IREB2: variants seen among roughly 807,000 people sequenced by gnomAD.
IREB2 encodes iron-responsive element-binding protein 2.
In IREB2, 39 loss-of-function variants were observed where a neutral mutation model predicts 118.8. That is an observed-to-expected ratio of 0.33 (90% CI 0.25 to 0.43). The LOEUF (loss-of-function observed/expected upper bound fraction) is 0.43, where lower values mean the gene tolerates loss of function less well. IREB2 is among the 20% of genes least tolerant of loss of function. The probability of loss-of-function intolerance (pLI) is 1.00; values close to 1 mark genes in which losing one functional copy is unlikely to be tolerated. For missense variants in IREB2, 900 were observed against 1,147.3 expected, an observed-to-expected ratio of 0.78 and a Z score of 3.11; for synonymous variants, 372 against 392.2, an observed-to-expected ratio of 0.95 and a Z score of 0.61.
At chr15:78,470,086 A>G (rs1008687232) in intron 5 of IREB2, among the ~76,000 whole-genome samples, 1 of 152,210 alleles carries the variant, frequency 6.6e-6, no homozygotes, top group Non-Finnish European at 1.5e-5. Context: ...AGCTCTTTTT[A>G]AACTGTAAAA....
chr15:78,477,934 T>C (rs1427784387), intron 9 of IREB2, among the ~76,000 whole-genome samples: 4 of 151,670 alleles, frequency 2.6e-5, no homozygotes, highest in Non-Finnish European at 4.4e-5. Flanking sequence ...AAATAATAAA[T>C]TTATTGGCGG....
At chr15:78,453,316 A>G (rs1381160339) in intron 2 of IREB2, among the ~76,000 whole-genome samples, 5 of 152,208 alleles carry the variant, frequency 3.3e-5, no homozygotes, top group African/African-American at 1.2e-4. Context: ...GAATATTGCT[A>G]CAAGGCTGTT....
chr15:78,493,485 C>G (rs1192052590), intron 18 of IREB2, among the ~76,000 whole-genome samples: 1 of 152,196 alleles, frequency 6.6e-6, no homozygotes, highest in Non-Finnish European at 1.5e-5. Flanking sequence ...GATTAAAACA[C>G]TTGAGATCAA....
intron 7 of IREB2, among the ~76,000 whole-genome samples, chr15:78,472,702 G>A (rs766012597): frequency 6.6e-6 from 1 of 152,104 alleles, no homozygotes; most frequent in African/African-American, 2.4e-5. Context: ...CTTTGCATAG[G>A]CTATTTCTTC....
intron 10 of IREB2, among the ~76,000 whole-genome samples, chr15:78,480,788 T>A (rs897650394): frequency 2.0e-5 from 3 of 149,064 alleles, no homozygotes; most frequent in Admixed American, 6.7e-5. Context: ...AACAGGCAAA[T>A]CATGAGGTCA....
chr15:78,480,157 G>A (rs1301096907), intron 10 of IREB2: 2 of 152,122 alleles, frequency 1.3e-5, no homozygotes, highest in African/African-American at 2.4e-5. Context: ...TTCAGTAAAC[G>A]TGTTAGGTGA....
chr15:78,441,153 A>G (rs1311814444), intron 2 of IREB2, among the ~76,000 whole-genome samples: 2 of 152,180 alleles, frequency 1.3e-5, no homozygotes, highest in African/African-American at 4.8e-5. Flanking sequence ...TGCTATGTGC[A>G]ATATTTTTTG....
chr15:78,467,134 C>T (rs902195913), intron 5 of IREB2, among the ~76,000 whole-genome samples: 2 of 147,518 alleles, frequency 1.4e-5, no homozygotes, highest in African/African-American at 2.5e-5. Flanking sequence ...CTCTTGAACC[C>T]AGGAGGGGAG....
intron 2 of IREB2, among the ~76,000 whole-genome samples, 184 bp from the exon 3 acceptor site, chr15:78,462,738 A>G (rs553538127): frequency 9.2e-5 from 14 of 152,334 alleles, no homozygotes; most frequent in African/African-American, 3.4e-4. Flanking sequence ...CAGGAAAGTC[A>G]GTTACAAAAC....
At chr15:78,438,451 A>C in intron 1 of IREB2, 95 bp downstream of exon 1, 2 of 1,387,806 alleles carry the variant, frequency 1.4e-6, no homozygotes, top group Non-Finnish European at 2.0e-6. Context: ...GTCGCTCGGC[A>C]GGCGCCCAGG....
intron 16 of IREB2, 133 bp downstream of exon 16, chr15:78,488,904 T>C: frequency 1.8e-6 from 1 of 557,214 alleles, no homozygotes; most frequent in Non-Finnish European, 2.9e-6. Context: ...ATAGTAAGTT[T>C]GTATCTGGAA....
chr15:78,477,957 C>T (rs2051499793), intron 9 of IREB2, among the ~76,000 whole-genome samples: 1 of 151,422 alleles, frequency 6.6e-6, no homozygotes, highest in South Asian at 2.1e-4. Flanking sequence ...TGTGGTGGCT[C>T]ATACCCATAA....
chr15:78,493,420 A>G (rs1389104006), intron 18 of IREB2, among the ~76,000 whole-genome samples: 1 of 152,220 alleles, frequency 6.6e-6, no homozygotes, highest in African/African-American at 2.4e-5. Context: ...TTGAAAAAAA[A>G]TCGATGTATA....
intron 2 of IREB2, among the ~76,000 whole-genome samples, chr15:78,442,689 C>T (rs984978005): frequency 3.3e-5 from 5 of 152,184 alleles, no homozygotes; most frequent in African/African-American, 1.2e-4. Flanking sequence ...TCTAACATAA[C>T]GAAGTGTGGA....
At chr15:78,454,069 A>G (rs1273349543) in intron 2 of IREB2, among the ~76,000 whole-genome samples, 1 of 152,216 alleles carries the variant, frequency 6.6e-6, no homozygotes, top group East Asian at 1.9e-4. Flanking sequence ...AGAAATGGGA[A>G]ACCTCATACA....
chr15:78,458,505 A>G (rs958533337), intron 2 of IREB2, among the ~76,000 whole-genome samples: 3 of 151,974 alleles, frequency 2.0e-5, no homozygotes, highest in African/African-American at 7.2e-5. Context: ...CAAACTCCTC[A>G]CCTCAAATGA....
intron 18 of IREB2, 22 bp from the exon 19 acceptor site, chr15:78,493,883 AACTG>A (rs767235566): frequency 9.4e-6 from 15 of 1,597,144 alleles, no homozygotes; most frequent in African/African-American, 4.1e-5. Context: ...ATGTAATGAA[AACTG>A]ACTTTCATTA....
At chr15:78,456,265 T>A (rs1007814030) in intron 2 of IREB2, among the ~76,000 whole-genome samples, 1 of 152,228 alleles carries the variant, frequency 6.6e-6, no homozygotes, top group African/African-American at 2.4e-5. Flanking sequence ...GGTATTTTTA[T>A]TCATTTGCAT....
At chr15:78,491,013 A>G (rs528710935) in intron 18 of IREB2, among the ~76,000 whole-genome samples, 104 of 152,264 alleles carry the variant, frequency 6.8e-4, no homozygotes, top group Middle Eastern at 3.4e-3. Context: ...TAGTCTAAAT[A>G]AACAGCTGAT....
Sources: allele counts gnomAD v4.1 joint callset (sites outside exome capture counted in the v4.1 genomes callset), GRCh38; gene constraint gnomAD v4.1.1; transcripts MANE v1.5; gene names NCBI Gene and HGNC (gene_info 2026-07-23, HGNC 2026-07-21).